The following SLC51A variants were observed in gnomAD, a reference collection of about 807,000 sequenced individuals.
SLC51A encodes the protein solute carrier family 51 member A, also known as organic solute transporter subunit alpha.
Under a neutral mutation model 34.8 loss-of-function variants are expected in SLC51A, and 22 were observed. The observed-to-expected ratio is 0.63, with a 90% CI of 0.45 to 0.90. The LOEUF (loss-of-function observed/expected upper bound fraction) is 0.90, where lower values mean the gene tolerates loss of function less well. Ranked by LOEUF, SLC51A falls within the 40% of genes least tolerant of loss-of-function variation. The pLI, the probability that SLC51A is intolerant of heterozygous loss-of-function variation, is 0.00. For synonymous variants in SLC51A, 181 were observed against 176.3 expected, an observed-to-expected ratio of 1.03 and a Z score of -0.21; for missense variants, 371 against 414.8, an observed-to-expected ratio of 0.89 and a Z score of 0.92.
At chr3:196,230,810 CAAATT>C (rs1211146646) in intron 7 of SLC51A, among the ~76,000 whole-genome samples, 1 of 152,206 alleles carries the variant, frequency 6.6e-6, no homozygotes, top group Admixed American at 6.5e-5. Context: ...GGACACCAGT[CAAATT>C]GGATTAAGGG....
At chr3:196,230,299 A>G (rs1409980682) in intron 7 of SLC51A, among the ~76,000 whole-genome samples, 2 of 152,120 alleles carry the variant, frequency 1.3e-5, no homozygotes, top group Non-Finnish European at 2.9e-5. Context: ...AACAACAGAC[A>G]TGTCTTGTCT....
Position 196,232,499 on chromosome 3 carries a change from C to T in SLC51A, c.861C>T (p.Pro287=), listed in dbSNP as rs557659482. 2 of 1,614,108 alleles carry T rather than the reference C, an allele frequency of 1.2e-6. No homozygotes were observed. Among genetic ancestry groups the T allele is most frequent in the South Asian group, 1.1e-5 (1 of 91,072 alleles). The change falls in exon 8 of 9, where the codon CCC becomes CCT. Residue 287 remains proline (P), a synonymous_variant. Transcript: ENST00000296327. Reference sequence around the variant, plus strand: ...GTGGGCAGATTGCTTGTTCGCCTCCCTATTCCTCTAAAACCAGGTCTCAAG... The same window carrying T: ...GTGGGCAGATTGCTTGTTCGCCTCCTTATTCCTCTAAAACCAGGTCTCAAG... ...ANGGQIACSP[P]YSSKTRSQVM...
chr3:196,217,722 A>G (rs552809645), intron 1 of SLC51A, 120 bp from the exon 2 acceptor site: 5 of 667,450 alleles, frequency 7.5e-6, no homozygotes, highest in African/African-American at 5.4e-5. Flanking sequence ...AAGAGAGAGA[A>G]AGAGGCCCTG....
At chr3:196,231,752 A>T (rs908890472) in intron 7 of SLC51A, among the ~76,000 whole-genome samples, 2 of 152,208 alleles carry the variant, frequency 1.3e-5, no homozygotes, top group Admixed American at 1.3e-4. Context: ...GTTTCCACAC[A>T]ATGTACTCAG....
At chr3:196,218,261 G>T (rs1342834234) in intron 2 of SLC51A, among the ~76,000 whole-genome samples, 1 of 152,230 alleles carries the variant, frequency 6.6e-6, no homozygotes, top group East Asian at 1.9e-4. Flanking sequence ...ACCCAAGATG[G>T]TGCCCAAGTG....
Position 196,216,635 on chromosome 3 carries a change from G to GCCCCCCGCCC in SLC51A, c.-73_-72insCGCCCCCCCC. On this transcript the variant is annotated 5_prime_UTR_variant, in exon 1 of 9. Transcript: ENST00000296327. This position sits in a 1 kb window ranked among gnomAD's most constrained non-coding sequence, Gnocchi z 4.5. ...CACCCCGGCCCAGGCAAGCCACCCT[G>GCCCCCCGCCC]CCCCCGGCCCCCACCTGCCCGCCCC... is the stretch of plus-strand genomic sequence containing the variant. The GCCCCCCGCCC allele has an allele frequency of 7.1e-7, 1 of 1,416,614 alleles. No homozygotes were observed. The highest frequency in any genetic ancestry group is 9.7e-7 in the Non-Finnish European group (1 of 1,032,684). The allele number at this position is 1,416,614 out of a possible 1,614,324, so 87.8% of individuals were successfully genotyped here.
rs751038300 is a variant in SLC51A, at chr3:196,222,362, C to T, written c.133+4426C>T. Among the ~76,000 whole-genome samples the T allele has an allele frequency of 9.2e-5, 14 of 152,192 alleles. 1 individual carries two copies. Among genetic ancestry groups the T allele is most frequent in the Middle Eastern group, 3.4e-3 (1 of 294 alleles). ...GGAAGTTAAGTTTTGTGACCAGGCACGGTGGCTCACACCTGTAATCCCAGC... is the reference window on the plus strand; with the variant it reads ...GGAAGTTAAGTTTTGTGACCAGGCATGGTGGCTCACACCTGTAATCCCAGC... On this transcript the variant is annotated intron_variant, in intron 2 of 8. Transcript: ENST00000296327.
At chr3:196,226,056 T>G (rs1229847083) in intron 2 of SLC51A, among the ~76,000 whole-genome samples, 1 of 152,142 alleles carries the variant, frequency 6.6e-6, no homozygotes, top group Non-Finnish European at 1.5e-5. Flanking sequence ...GTGGCTCACG[T>G]CTGTAATCCC....
Position 196,228,899 on chromosome 3 carries a change from C to T in SLC51A, c.612C>T (p.Asp204=), listed in dbSNP as rs561117727. The T allele has an allele frequency of 4.3e-6, 7 of 1,613,932 alleles. No individual in the cohort carries two copies. Among genetic ancestry groups the T allele is most frequent in the African/African-American group, 2.7e-5 (2 of 74,934 alleles). The change falls in exon 6 of 9, where the codon GAC becomes GAT. Residue 204 remains aspartate, a synonymous_variant. Coordinates refer to ENST00000296327, the MANE Select transcript of SLC51A (RefSeq NM_152672.6). This position sits in a 1 kb window ranked among gnomAD's most constrained non-coding sequence, Gnocchi z 4.9. The part of the protein sequence containing the change: ...LTLVGLFLVP[D]GIYDPADISE... ...TGGTGGGCCTGTTTCTCGTCCCCGACGGCATCTATGACCCAGCAGACGTAA... is the reference window on the plus strand; with the variant it reads ...TGGTGGGCCTGTTTCTCGTCCCCGATGGCATCTATGACCCAGCAGACGTAA...
Position 196,216,770 on chromosome 3 carries a change from C to A in SLC51A, c.38+20C>A. 2 of 1,566,102 alleles carry A rather than the reference C, an allele frequency of 1.3e-6. No individual in the cohort carries two copies. The highest frequency in any genetic ancestry group is 1.7e-6 in the Non-Finnish European group (2 of 1,155,158). On this transcript the variant is annotated intron_variant, in intron 1 of 8. Transcript: ENST00000296327. The surrounding 1 kb of genome is among the most constrained non-coding windows in gnomAD (Gnocchi z 4.5). Reference sequence around the variant, plus strand: ...CCCCAGGTAAGTGAGGGCGGCGGGCCCTGGGCCAGTCGCTGGGCAGCGGTG... The same window carrying A: ...CCCCAGGTAAGTGAGGGCGGCGGGCACTGGGCCAGTCGCTGGGCAGCGGTG...
At chr3:196,223,706 A>T (rs576485499) in intron 2 of SLC51A, among the ~76,000 whole-genome samples, 8 of 147,890 alleles carry the variant, frequency 5.4e-5, no homozygotes, top group African/African-American at 1.5e-4. Context: ...TTAATTAAAC[A>T]TTTCTATTAT....
At position 196,224,538 on chromosome 3, in the gene SLC51A, T is replaced by C. The variant is rs560408062; in HGVS notation, c.134-2427T>C. 3.3e-5 allele frequency among the ~76,000 whole-genome samples: 5 copies of C among 151,474 alleles called. 1 individual carries two copies. In the South Asian group the frequency reaches 1.1e-3, roughly 32 times the overall value. On this transcript the variant is annotated intron_variant, in intron 2 of 8. Transcript: ENST00000296327. ...GAAAACCGTCTCTACTAGCTGGGCG[T>C]GGTGGCAGGTGCCTGTAATCCCAGC... is the stretch of plus-strand genomic sequence containing the variant.
At chr3:196,226,861 G>A (rs1043260630) in intron 2 of SLC51A, 104 bp from the exon 3 acceptor site, 14 of 1,118,282 alleles carry the variant, frequency 1.3e-5, no homozygotes, top group African/African-American at 9.5e-5. Context: ...TCCTGTGCAC[G>A]GGTGGGAGCC....
In SLC51A at chr3:196,232,440, C is replaced by T; in HGVS notation, c.802C>T (p.Leu268=). Residue 268 remains leucine (L), a synonymous_variant, in exon 8 of 9, where the codon CTA becomes TTA. Coordinates refer to ENST00000296327, the MANE Select transcript of SLC51A (RefSeq NM_152672.6). ...GCAGGTTCTCCTCATCCTGACTGCC[C>T]TACAGCCCTCCATCTTCTCAGTCTT... ...LFQVLLILTA[L]QPSIFSVLAN... 1 of 1,614,162 alleles carries T rather than the reference C, an allele frequency of 6.2e-7. No individual in the cohort carries two copies. Among genetic ancestry groups the T allele is most frequent in the South Asian group, 1.1e-5 (1 of 91,082 alleles).
chr3:196,226,765 C>T (rs112117923), intron 2 of SLC51A, among the ~76,000 whole-genome samples, 200 bp from the exon 3 acceptor site: 1 of 125,640 alleles, frequency 8.0e-6, no homozygotes, highest in Admixed American at 8.4e-5. Flanking sequence ...CAGAGTGAGG[C>T]TCCGTCTTAA....
chr3:196,217,874 C>T lies in SLC51A; in HGVS notation c.71C>T (p.Thr24Ile), dbSNP rs1210349790. The T allele has an allele frequency of 6.2e-7, 1 of 1,613,762 alleles. No individual in the cohort carries two copies. The highest frequency in any genetic ancestry group is 1.7e-5 in the Admixed American group (1 of 59,976). ...GCAGATCTTCTGGAGGTGCTGAAGA[C>T]CAATTACGGCATCCCCTCCGCCTGC... ...YTADLLEVLKTNYGIPSACFS... is the reference protein window; with the variant it reads ...YTADLLEVLKINYGIPSACFS... The change falls in exon 2 of 9, where the codon ACC becomes ATC. Residue 24 changes from threonine (T) to isoleucine (I), a missense_variant. Physicochemically the swap from Thr to Ile is moderately conservative, Grantham distance 89. Transcript: ENST00000296327.
rs779176364 is a variant in SLC51A at position 196,217,878 on chromosome 3, T to A, written c.75T>A (p.Asn25Lys). Residue 25 changes from asparagine (N) to lysine (K), a missense_variant, in exon 2 of 9, where the codon AAT becomes AAA. Transcript: ENST00000296327. ...TADLLEVLKTNYGIPSACFSQ... is the reference protein window; with the variant it reads ...TADLLEVLKTKYGIPSACFSQ... ...ATCTTCTGGAGGTGCTGAAGACCAA[T>A]TACGGCATCCCCTCCGCCTGCTTCT... 3.7e-6 allele frequency: 6 copies of A among 1,613,592 alleles called. No individual in the cohort carries two copies. The highest frequency in any genetic ancestry group is 4.5e-5 in the East Asian group (2 of 44,866).
At chr3:196,218,568 A>G (rs576883648) in intron 2 of SLC51A, among the ~76,000 whole-genome samples, 1 of 152,212 alleles carries the variant, frequency 6.6e-6, no homozygotes, top group Admixed American at 6.5e-5. Context: ...GTTTGCAATA[A>G]TAAGTCATAA....
rs772271053 is a variant in SLC51A at position 196,228,920 on chromosome 3, C to T, written c.633C>T (p.Asp211=). Residue 211 remains aspartate (D), a splice_region_variant and synonymous_variant, in exon 6 of 9, where the codon GAC becomes GAT. Transcript: ENST00000296327. The surrounding 1 kb of genome is among the most constrained non-coding windows in gnomAD (Gnocchi z 4.9). Reference sequence around the variant, plus strand: ...CCGACGGCATCTATGACCCAGCAGACGTAAGCCGGGAGTAAGGGACAGCAC... The same window carrying T: ...CCGACGGCATCTATGACCCAGCAGATGTAAGCCGGGAGTAAGGGACAGCAC... ...LVPDGIYDPA[D]ISEGSTALWI... The T allele has an allele frequency of 8.1e-6, 13 of 1,610,918 alleles. No homozygotes were observed. The East Asian group carries it at 1.8e-4, about 22-fold the overall frequency.
Sources: allele counts gnomAD v4.1 joint callset (sites outside exome capture counted in the v4.1 genomes callset), GRCh38; gene constraint gnomAD v4.1.1; non-coding constraint Gnocchi (gnomAD v3.1); transcripts MANE v1.5; gene names NCBI Gene and HGNC (gene_info 2026-07-23, HGNC 2026-07-21).